CDK6: variants seen among roughly 807,000 people sequenced by gnomAD.
The protein encoded by CDK6 is cyclin-dependent kinase 6.
In CDK6, 6 loss-of-function variants were observed where a neutral mutation model predicts 37.1. The ratio of observed to expected loss-of-function variants is 0.16; its 90% CI spans 0.09 to 0.32. CDK6 has a LOEUF of 0.32. Among genes scored for constraint, CDK6 ranks in the 10% least tolerant of loss-of-function variants. CDK6 has a pLI of 1.00. For synonymous variants in CDK6, 160 were observed against 161.3 expected, an observed-to-expected ratio of 0.99 and a Z score of 0.06; for missense variants, 224 against 418.9, an observed-to-expected ratio of 0.53 and a Z score of 4.06.
chr7:92,828,400 A>T (rs1252761707), intron 2 of CDK6, among the ~76,000 whole-genome samples: 1 of 152,096 alleles, frequency 6.6e-6, no homozygotes, highest in Non-Finnish European at 1.5e-5. Context: ...AACAAACAAA[A>T]ATTGCTACTT....
intron 2 of CDK6, among the ~76,000 whole-genome samples, chr7:92,831,334 T>C (rs898760860): frequency 1.1e-4 from 17 of 152,220 alleles, no homozygotes; most frequent in Admixed American, 9.8e-4. Context: ...GGGGTGCCTC[T>C]GTAGTACCTC....
chr7:92,702,386 C>T (rs1025275107), intron 4 of CDK6, among the ~76,000 whole-genome samples: 3 of 151,496 alleles, frequency 2.0e-5, no homozygotes, highest in African/African-American at 7.3e-5. Context: ...GTGTGTACCA[C>T]CATGCCCAGC....
intron 2 of CDK6, among the ~76,000 whole-genome samples, chr7:92,782,554 G>A (rs1024261063): frequency 1.3e-5 from 2 of 152,182 alleles, no homozygotes; most frequent in Non-Finnish European, 2.9e-5. Context: ...ACTCTACACT[G>A]GGATTATGAA....
intron 4 of CDK6, among the ~76,000 whole-genome samples, chr7:92,686,661 G>A (rs2116633113): frequency 6.6e-6 from 1 of 152,204 alleles, no homozygotes; most frequent in South Asian, 2.1e-4. Context: ...GGGATTGCTA[G>A]ATCCAATGAT....
At chr7:92,784,282 A>C (rs1431173090) in intron 2 of CDK6, among the ~76,000 whole-genome samples, 15 of 152,244 alleles carry the variant, frequency 9.9e-5, no homozygotes, top group Non-Finnish European at 2.9e-5. Flanking sequence ...GTAGGCAGCT[A>C]AACAATAATC....
chr7:92,795,217 T>C (rs1800379094), intron 2 of CDK6, among the ~76,000 whole-genome samples: 1 of 152,148 alleles, frequency 6.6e-6, no homozygotes, highest in Non-Finnish European at 1.5e-5. Flanking sequence ...AAATATTTTA[T>C]TATCAGAAGG....
rs1339589702 is a variant in CDK6, at chr7:92,833,610, C to G, written c.-287G>C. 3.7e-6 allele frequency: 2 copies of G among 536,096 alleles called. No individual in the cohort carries two copies. Among genetic ancestry groups the G allele is most frequent in the Non-Finnish European group, 6.5e-6 (2 of 309,896 alleles). The allele number at this position is 536,096 out of a possible 1,614,324, so 33.2% of individuals were successfully genotyped here. ...GAGGAGCGAGCCGATCCCTCCTCTT[C>G]CCTCCTCGAAGCGAAGTCCTCAACA... On this transcript the variant is annotated 5_prime_UTR_variant, in exon 2 of 8. Transcript: ENST00000424848. The surrounding 1 kb of genome is among the most constrained non-coding windows in gnomAD (Gnocchi z 6.1).
chr7:92,695,169 T>C (rs1245290332), intron 4 of CDK6, among the ~76,000 whole-genome samples: 1 of 151,826 alleles, frequency 6.6e-6, no homozygotes, highest in Non-Finnish European at 1.5e-5. Flanking sequence ...TCATCTTGGT[T>C]TCTTTTAAAT....
chr7:92,733,748 T>C (rs1462519405), intron 3 of CDK6, among the ~76,000 whole-genome samples: 1 of 152,214 alleles, frequency 6.6e-6, no homozygotes, highest in Non-Finnish European at 1.5e-5. Context: ...TCTGGCTCTG[T>C]TTAGAGTACC....
chr7:92,725,885 C>G (rs1383692338), intron 3 of CDK6, 92 bp from the exon 4 acceptor site: 1 of 1,186,320 alleles, frequency 8.4e-7, no homozygotes, highest in African/African-American at 1.5e-5. Flanking sequence ...CATTTTGTGG[C>G]TGCTTGGCAT....
At chr7:92,674,035 C>T (rs949005491) in intron 4 of CDK6, among the ~76,000 whole-genome samples, 2 of 151,680 alleles carry the variant, frequency 1.3e-5, no homozygotes, top group African/African-American at 2.4e-5. Flanking sequence ...CTGCCTCAGC[C>T]TCCCAAAGTG....
At chr7:92,772,532 T>TC (rs1450812804) in intron 3 of CDK6, among the ~76,000 whole-genome samples, 2 of 141,448 alleles carry the variant, frequency 1.4e-5, no homozygotes, top group African/African-American at 5.3e-5. Context: ...GACAAAAAGC[T>TC]CAAAAAAAAA....
rs901544133 is a variant in CDK6, at chr7:92,613,558, A to G, written c.*1582T>C. 1 of 233,634 alleles carries G rather than the reference A, an allele frequency of 4.3e-6. No homozygotes were observed. The allele number at this position is 233,634 out of a possible 1,614,324, so 14.5% of individuals were successfully genotyped here. On this transcript the variant is annotated 3_prime_UTR_variant, in exon 8 of 8. Transcript: ENST00000424848. ...AGAGAAAAAGGAAAAGCTGTTTACA[A>G]TGCCCAGGCCAGGCTGGCTCTGTAG...
At chr7:92,686,196 C>A (rs552577460) in intron 4 of CDK6, among the ~76,000 whole-genome samples, 1 of 152,132 alleles carries the variant, frequency 6.6e-6, no homozygotes, top group South Asian at 2.1e-4. Context: ...TGAGTAAGTT[C>A]TTTAGCGGTG....
chr7:92,615,350 G>T, intron 7 of CDK6, 64 bp from the exon 8 acceptor site: 1 of 1,350,018 alleles, frequency 7.4e-7, no homozygotes, highest in Non-Finnish European at 1.1e-6. Context: ...TGTACTTACA[G>T]AGTTATCCCT....
At chr7:92,642,470 C>G (rs532896333) in intron 5 of CDK6, among the ~76,000 whole-genome samples, 1 of 152,268 alleles carries the variant, frequency 6.6e-6, no homozygotes, top group East Asian at 1.9e-4. Flanking sequence ...CCCAGTACTC[C>G]AGGTCCTTGG....
intron 2 of CDK6, among the ~76,000 whole-genome samples, chr7:92,789,603 G>C (rs1800232054): frequency 6.6e-6 from 1 of 152,248 alleles, no homozygotes; most frequent in South Asian, 2.1e-4. Context: ...AGTTGAAGAT[G>C]TTAATTGTAA....
intron 5 of CDK6, among the ~76,000 whole-genome samples, chr7:92,662,263 C>T (rs7801697): frequency 2.0e-5 from 3 of 152,036 alleles, no homozygotes; most frequent in Admixed American, 6.6e-5. Flanking sequence ...GAACTCACTT[C>T]GAGGGCTTCA....
rs138382549 is a variant in CDK6, at chr7:92,786,342, GT to G, written c.234-11512del. ...TTCATCCCAGCACTAATTCACTCAG[GT>G]ACTTATGATTAGGTACTGATCTAAT... On this transcript the variant is annotated intron_variant, in intron 2 of 7. Transcript: ENST00000424848. Among the ~76,000 whole-genome samples the G allele has an allele frequency of 5.0e-3, 761 of 152,228 alleles. 4 individuals are homozygous for G. The highest frequency in any genetic ancestry group is 0.017 in the African/African-American group (724 of 41,544).
Sources: allele counts gnomAD v4.1 joint callset (sites outside exome capture counted in the v4.1 genomes callset), GRCh38; gene constraint gnomAD v4.1.1; non-coding constraint Gnocchi (gnomAD v3.1); transcripts MANE v1.5; gene names NCBI Gene and HGNC (gene_info 2026-07-23, HGNC 2026-07-21).